AIG1: variants seen among roughly 807,000 people sequenced by gnomAD.
AIG1 encodes the protein androgen-induced gene 1 protein.
AIG1 carries 23 observed loss-of-function variants against 31.4 expected under a neutral mutation model. That is an observed-to-expected ratio of 0.73 (90% CI 0.53 to 1.04). The LOEUF is 1.04. AIG1 is among the 50% of genes least tolerant of loss of function. The probability of loss-of-function intolerance (pLI) is 0.00; values close to 1 mark genes in which losing one functional copy is unlikely to be tolerated. For missense variants in AIG1, 274 were observed against 295.0 expected (o/e 0.93, Z 0.52); for synonymous variants, 100 against 110.5 (o/e 0.90, Z 0.60).
At chr6:143,120,329 A>G (rs1782136614) in intron 1 of AIG1, among the ~76,000 whole-genome samples, 1 of 152,186 alleles carries the variant, frequency 6.6e-6, no homozygotes, top group Non-Finnish European at 1.5e-5. Context: ...AATTTGATGA[A>G]CACCTTTGGA....
intron 4 of AIG1, among the ~76,000 whole-genome samples, chr6:143,319,827 A>T (rs1776060090): frequency 6.6e-6 from 1 of 152,180 alleles, no homozygotes; most frequent in African/African-American, 2.4e-5. Context: ...ATTATGAACG[A>T]TTATATGCCA....
intron 3 of AIG1, among the ~76,000 whole-genome samples, chr6:143,168,116 C>G (rs529482613): frequency 2.6e-5 from 4 of 151,888 alleles, no homozygotes; most frequent in African/African-American, 7.2e-5. Context: ...AATAAATGAG[C>G]ATTTTCTTGT....
At chr6:143,265,984 T>G (rs1316661942) in intron 3 of AIG1, among the ~76,000 whole-genome samples, 1 of 152,232 alleles carries the variant, frequency 6.6e-6, no homozygotes, top group East Asian at 1.9e-4. Flanking sequence ...GCATTTCTCT[T>G]CATTACTCTG....
chr6:143,132,952 C>T (rs1255863880), intron 1 of AIG1, among the ~76,000 whole-genome samples: 1 of 151,708 alleles, frequency 6.6e-6, no homozygotes, highest in African/African-American at 2.4e-5. Flanking sequence ...TTTATGTCTT[C>T]CTTTAACTTT....
intron 2 of AIG1, among the ~76,000 whole-genome samples, chr6:143,158,153 G>A (rs1785982945): frequency 6.6e-6 from 1 of 152,092 alleles, no homozygotes; most frequent in Non-Finnish European, 1.5e-5. Context: ...TCCATCAGCT[G>A]AGCATGAGCC....
intron 1 of AIG1, among the ~76,000 whole-genome samples, chr6:143,113,827 T>A (rs1356457210): frequency 6.6e-6 from 1 of 151,748 alleles, no homozygotes; most frequent in African/African-American, 2.4e-5. Context: ...CAGGCTAGAG[T>A]GCAGTGGCGT....
At chr6:143,127,109 T>G (rs1782752763) in intron 1 of AIG1, among the ~76,000 whole-genome samples, 1 of 152,208 alleles carries the variant, frequency 6.6e-6, no homozygotes, top group Admixed American at 6.5e-5. Flanking sequence ...ATTTATTAAA[T>G]GTCACATAAT....
At chr6:143,251,017 TG>T (rs1794971123) in intron 3 of AIG1, among the ~76,000 whole-genome samples, 1 of 152,194 alleles carries the variant, frequency 6.6e-6, no homozygotes, top group Admixed American at 6.5e-5. Flanking sequence ...CTTAATTTCA[TG>T]TTTTTATCTT....
At chr6:143,099,021 G>A (rs1583170519) in intron 1 of AIG1, among the ~76,000 whole-genome samples, 1 of 152,262 alleles carries the variant, frequency 6.6e-6, no homozygotes, top group African/African-American at 2.4e-5. Context: ...TGACTAAAGT[G>A]CATAACTCAA....
At chr6:143,090,118 T>C (rs1044006051) in intron 1 of AIG1, among the ~76,000 whole-genome samples, 1 of 152,226 alleles carries the variant, frequency 6.6e-6, no homozygotes, top group African/African-American at 2.4e-5. Flanking sequence ...TTAGAAAGGA[T>C]AGAGAGTTTA....
chr6:143,083,882 A>G (rs894378919), intron 1 of AIG1, among the ~76,000 whole-genome samples: 2 of 152,144 alleles, frequency 1.3e-5, no homozygotes, highest in African/African-American at 4.8e-5. Flanking sequence ...TCCTTCTCCT[A>G]TGTTCAGGTG....
At chr6:143,219,249 G>C (rs914491839) in intron 3 of AIG1, among the ~76,000 whole-genome samples, 42 of 152,182 alleles carry the variant, frequency 2.8e-4, no homozygotes, top group African/African-American at 1.0e-3. Flanking sequence ...CCTAGCCCCA[G>C]GTTGCTGCTA....
intron 3 of AIG1, among the ~76,000 whole-genome samples, chr6:143,271,835 A>G (rs1454359897): frequency 2.0e-5 from 3 of 150,410 alleles, no homozygotes; most frequent in Non-Finnish European, 4.4e-5. Flanking sequence ...AAAGATGAAT[A>G]TATCTTTCAG....
At chr6:143,061,329 A>T in intron 1 of AIG1, 1 of 603,222 alleles carries the variant, frequency 1.7e-6, no homozygotes. Flanking sequence ...GGTGGGGCGC[A>T]GCCAGGTGGT....
chr6:143,204,847 A>G (rs1273228407), intron 3 of AIG1, among the ~76,000 whole-genome samples: 1 of 152,090 alleles, frequency 6.6e-6, no homozygotes, highest in African/African-American at 2.4e-5. Context: ...TGAGATGAAG[A>G]TGAGGGAAAG....
At chr6:143,199,889 T>C (rs1790550059) in intron 3 of AIG1, among the ~76,000 whole-genome samples, 1 of 152,174 alleles carries the variant, frequency 6.6e-6, no homozygotes, top group South Asian at 2.1e-4. Context: ...AAGAGTTTCC[T>C]GGATTAGATA....
At position 143,197,958 on chromosome 6, in the gene AIG1, G is replaced by C. The variant is rs7772833; in HGVS notation, c.399+32775G>C. On this transcript the variant is annotated intron_variant, in intron 3 of 5. Transcript: ENST00000357847. ...TTTCATAGCCTTTAAAAAAGAAGTT[G>C]GTGTTGTATACCCCAGGACTTTCCT... Among the ~76,000 whole-genome samples the C allele has an allele frequency of 2.0e-5, 3 of 152,022 alleles. No individual in the cohort carries two copies. The East Asian group carries it at 5.8e-4, about 29-fold the overall frequency.
intron 1 of AIG1, among the ~76,000 whole-genome samples, chr6:143,080,630 A>G (rs946353179): frequency 2.0e-5 from 3 of 152,112 alleles, no homozygotes; most frequent in African/African-American, 7.2e-5. Context: ...CAGTAAAAAG[A>G]AAAATATGAC....
At chr6:143,086,621 G>A (rs1194569450) in intron 1 of AIG1, among the ~76,000 whole-genome samples, 1 of 152,158 alleles carries the variant, frequency 6.6e-6, no homozygotes, top group African/African-American at 2.4e-5. Context: ...ATAGCCTAGG[G>A]CCCTAAGGAC....
Sources: gnomAD v4.1 joint callset for allele counts (sites outside exome capture counted in the v4.1 genomes callset) on GRCh38, gnomAD v4.1.1 for gene constraint, MANE v1.5 for transcripts, NCBI Gene and HGNC (gene_info 2026-07-23, HGNC 2026-07-21) for gene names.